The following PLVAP variants were observed in gnomAD, a reference collection of about 807,000 sequenced individuals.
PLVAP encodes plasmalemma vesicle associated protein.
In PLVAP, 34 loss-of-function variants were observed where a neutral mutation model predicts 43.1. The observed-to-expected ratio is 0.79, with a 90% CI of 0.60 to 1.05. PLVAP has a LOEUF of 1.05. PLVAP is among the 50% of genes least tolerant of loss of function. The probability of loss-of-function intolerance (pLI) is 0.00; values close to 1 mark genes in which losing one functional copy is unlikely to be tolerated. For synonymous variants in PLVAP, 241 were observed against 237.3 expected (o/e 1.02, Z -0.14); for missense variants, 574 against 593.4 (o/e 0.97, Z 0.34).
chr19:17,374,818 G>GTATT (rs567397342), intron 1 of PLVAP, among the ~76,000 whole-genome samples: 6,004 of 144,804 alleles, frequency 0.041, 350 homozygotes, highest in Non-Finnish European at 0.061. Context: ...ATGTATGTAT[G>GTATT]TATGTATGTA....
intron 5 of PLVAP, among the ~76,000 whole-genome samples, chr19:17,359,996 C>G (rs969282222): frequency 9.2e-5 from 14 of 152,160 alleles, no homozygotes; most frequent in African/African-American, 3.4e-4. Context: ...GCCTAGAACA[C>G]TGTTCCCCCT....
chr19:17,367,137 GT>G (rs1409465032), intron 1 of PLVAP, among the ~76,000 whole-genome samples: 9 of 151,710 alleles, frequency 5.9e-5, no homozygotes, highest in African/African-American at 2.2e-4. Context: ...AGAGATGGGG[GT>G]TTTACCATGC....
intron 1 of PLVAP, among the ~76,000 whole-genome samples, chr19:17,369,511 T>G (rs2074563457): frequency 6.7e-6 from 1 of 148,656 alleles, no homozygotes; most frequent in South Asian, 2.1e-4. Flanking sequence ...AGCGCATGCT[T>G]GTAGTCCCAG....
intron 1 of PLVAP, 111 bp downstream of exon 1, chr19:17,376,809 G>C: frequency 9.1e-7 from 1 of 1,097,040 alleles, no homozygotes. Flanking sequence ...TAAGAAAAGA[G>C]AGCATTGGTC....
At position 17,377,233 on chromosome 19, in the gene PLVAP, C is replaced by G. The variant is rs376999423; in HGVS notation, c.56G>C (p.Arg19Pro). The G allele has an allele frequency of 4.3e-6, 7 of 1,614,098 alleles. No homozygotes were observed. The highest frequency in any genetic ancestry group is 1.3e-5 in the African/African-American group (1 of 75,040). ...GSYARAGGSS[R>P]GCWYYLRYFF... is the part of the protein sequence containing the mutation. ...GTAGCGCAGGTAATACCAGCAGCCCCGAGAGCTGCCCCCCGCCCGAGCGTA... is the reference window on the plus strand; with the variant it reads ...GTAGCGCAGGTAATACCAGCAGCCCGGAGAGCTGCCCCCCGCCCGAGCGTA... The change falls in exon 1 of 6, where the codon CGG becomes CCG. Residue 19 changes from arginine (R) to proline (P), a missense_variant. Physicochemically the swap from Arg to Pro is moderately radical, Grantham distance 103 (BLOSUM62 -2). Coordinates refer to ENST00000252590, the MANE Select transcript of PLVAP (RefSeq NM_031310.3).
Position 17,352,427 on chromosome 19 carries a change from T to TC in PLVAP, c.1323-60dup. Reference sequence around the variant, plus strand: ...TGTCAGACAGAGGGAAGGGCAAACCTCGCCGGGCCCTGGAGGCTCGTCCTC... The same window carrying TC: ...TGTCAGACAGAGGGAAGGGCAAACCTCCGCCGGGCCCTGGAGGCTCGTCCTC... On this transcript the variant is annotated intron_variant, in intron 5 of 5. Coordinates refer to ENST00000252590, the MANE Select transcript of PLVAP (RefSeq NM_031310.3). 3.8e-6 allele frequency: 6 copies of TC among 1,577,820 alleles called. No homozygotes were observed. In the South Asian group the frequency reaches 5.5e-5, roughly 15 times the overall value.
chr19:17,370,070 G>A (rs974788560), intron 1 of PLVAP, among the ~76,000 whole-genome samples: 17 of 149,572 alleles, frequency 1.1e-4, no homozygotes, highest in Non-Finnish European at 4.4e-5. Context: ...ATGCAAATCA[G>A]GACCACAGTG....
chr19:17,364,485 GCCA>G (rs2074540655), intron 3 of PLVAP, among the ~76,000 whole-genome samples: 1 of 152,072 alleles, frequency 6.6e-6, no homozygotes, highest in African/African-American at 2.4e-5. Context: ...ACAAGTGTGA[GCCA>G]CCAAGCCCAG....
intron 1 of PLVAP, among the ~76,000 whole-genome samples, chr19:17,372,058 G>A (rs1288752770): frequency 9.7e-5 from 14 of 144,480 alleles, no homozygotes; most frequent in African/African-American, 3.6e-4. Flanking sequence ...ACCAGCCTCG[G>A]CAATGTAGTG....
chr19:17,374,413 C>T (rs999087146), intron 1 of PLVAP, among the ~76,000 whole-genome samples: 12 of 151,918 alleles, frequency 7.9e-5, no homozygotes, highest in Non-Finnish European at 1.2e-4. Context: ...TGCAGTGAGC[C>T]GAGACTGCGC....
intron 5 of PLVAP, among the ~76,000 whole-genome samples, chr19:17,353,079 G>C (rs1037276082): frequency 6.6e-6 from 1 of 152,252 alleles, no homozygotes; most frequent in Non-Finnish European, 1.5e-5. Context: ...CGAGGGGTCA[G>C]GGGTTGGCTT....
rs1331413114 is a variant in PLVAP, at chr19:17,376,937, G to A, written c.352C>T (p.Gln118Ter). 3 of 1,613,544 alleles carry A rather than the reference G, an allele frequency of 1.9e-6. No individual in the cohort carries two copies. The highest frequency in any genetic ancestry group is 2.5e-6 in the Non-Finnish European group (3 of 1,179,878). Reference sequence around the variant, plus strand: ...AGCCTTACCCGGTCACCCTGGCACTGGCGGAAGCTGGCATTGATGCGGTCC... The same window carrying A: ...AGCCTTACCCGGTCACCCTGGCACTAGCGGAAGCTGGCATTGATGCGGTCC... ...DLDRINASFR[Q>*]CQGDRVIYTN... Residue 118 changes from glutamine (Q) to a stop codon, truncating the protein, a stop_gained, in exon 1 of 6, where the codon CAG becomes TAG. Transcript: ENST00000252590. LOFTEE classifies it high-confidence loss of function.
At chr19:17,361,787 G>A (rs940762900) in intron 3 of PLVAP, among the ~76,000 whole-genome samples, 2 of 151,904 alleles carry the variant, frequency 1.3e-5, no homozygotes, top group African/African-American at 4.8e-5. Context: ...TACCCGTTTC[G>A]GGCCAGGCGT....
intron 1 of PLVAP, among the ~76,000 whole-genome samples, chr19:17,366,621 T>A (rs1408771693): frequency 1.4e-5 from 2 of 142,286 alleles, no homozygotes; most frequent in South Asian, 2.2e-4. Context: ...TATGGTCAAC[T>A]GAATTTCTTT....
At chr19:17,372,440 A>C (rs1254373683) in intron 1 of PLVAP, among the ~76,000 whole-genome samples, 1 of 149,314 alleles carries the variant, frequency 6.7e-6, no homozygotes, top group Non-Finnish European at 1.5e-5. Context: ...AAAATAATTA[A>C]ATAATGTTTT....
At chr19:17,373,743 G>A (rs1474316376) in intron 1 of PLVAP, among the ~76,000 whole-genome samples, 5 of 152,086 alleles carry the variant, frequency 3.3e-5, no homozygotes, top group African/African-American at 7.2e-5. Flanking sequence ...CGAGAGTGGC[G>A]CGATGGTCTC....
At chr19:17,363,611 C>T (rs2145721719) in intron 3 of PLVAP, among the ~76,000 whole-genome samples, 1 of 151,610 alleles carries the variant, frequency 6.6e-6, no homozygotes, top group South Asian at 2.1e-4. Context: ...CTTGGTCTTT[C>T]ACTCAAGCTG....
At chr19:17,352,393 A>G in intron 5 of PLVAP, 25 bp from the exon 6 acceptor site, 1 of 1,612,274 alleles carries the variant, frequency 6.2e-7, no homozygotes, top group Non-Finnish European at 8.5e-7. Context: ...GGATGGTAAC[A>G]CAACAGAGTG....
chr19:17,369,591 T>C, intron 1 of PLVAP, among the ~76,000 whole-genome samples: 1 of 144,296 alleles, frequency 6.9e-6, no homozygotes. Flanking sequence ...GATGAGATTG[T>C]GCCACCACAC....
Sources: allele counts gnomAD v4.1 joint callset (sites outside exome capture counted in the v4.1 genomes callset), GRCh38; gene constraint gnomAD v4.1.1; transcripts MANE v1.5; gene names NCBI Gene and HGNC (gene_info 2026-07-23, HGNC 2026-07-21).